MGAT4C: variants seen among roughly 807,000 people sequenced by gnomAD.
MGAT4C encodes the protein MGAT4 family member C.
A neutral mutation model predicts 40.1 loss-of-function variants in MGAT4C; 19 were observed. The observed-to-expected ratio is 0.47, with a 90% CI of 0.33 to 0.70. The LOEUF is 0.70. Ranked by LOEUF, MGAT4C falls within the 30% of genes least tolerant of loss-of-function variation. MGAT4C has a pLI of 0.02. For synonymous variants in MGAT4C, 181 were observed against 187.1 expected (o/e 0.97, Z 0.27); for missense variants, 491 against 563.2 (o/e 0.87, Z 1.30).
intron 2 of MGAT4C, among the ~76,000 whole-genome samples, chr12:86,725,888 C>CA (rs144485593): frequency 0.021 from 3,124 of 152,264 alleles, 100 homozygotes; most frequent in African/African-American, 0.071. Context: ...ACAACCTTTC[C>CA]AAATGTGGAA....
chr12:86,020,751 T>G (rs1279090034), intron 2 of MGAT4C, among the ~76,000 whole-genome samples: 25 of 152,076 alleles, frequency 1.6e-4, no homozygotes, highest in Admixed American at 1.6e-3. Flanking sequence ...CTAATTAAAC[T>G]AAAGAGCTTC....
chr12:85,974,283 A>G lies in MGAT4C; in HGVS notation c.*5006T>C, dbSNP rs1362287536. The G allele has an allele frequency of 1.3e-5, 2 of 150,856 alleles. No individual in the cohort carries two copies. The highest frequency in any genetic ancestry group is 2.1e-4 in the South Asian group (1 of 4,832). The allele number at this position is 150,856 out of a possible 1,614,324, so 9.3% of individuals were successfully genotyped here. On this transcript the variant is annotated 3_prime_UTR_variant, in exon 5 of 5. Coordinates refer to ENST00000611864, the MANE Select transcript of MGAT4C (RefSeq NM_001351288.2). The stretch of plus-strand genomic sequence containing the variant: ...AAGATTTGAGTGAGAACATGAAAGC[A>G]AAAGCAAGTTCAGAAGAGGAACACA...
intron 3 of MGAT4C, among the ~76,000 whole-genome samples, chr12:86,352,927 T>G (rs1303297894): frequency 6.6e-6 from 1 of 151,314 alleles, no homozygotes; most frequent in African/African-American, 2.4e-5. Flanking sequence ...AAATGACGAG[T>G]TAATGGGTGC....
At chr12:86,808,458 TG>T (rs1160913328) in intron 1 of MGAT4C, among the ~76,000 whole-genome samples, 1 of 152,122 alleles carries the variant, frequency 6.6e-6, no homozygotes, top group African/African-American at 2.4e-5. Flanking sequence ...ATCCCCAGGA[TG>T]CAAGGCTGGT....
intron 2 of MGAT4C, among the ~76,000 whole-genome samples, chr12:86,631,284 G>T (rs1963030670): frequency 6.6e-6 from 1 of 152,156 alleles, no homozygotes; most frequent in Non-Finnish European, 1.5e-5. Flanking sequence ...AACATTCCAT[G>T]CTCATGGATA....
chr12:86,754,036 T>C (rs1267567878), intron 1 of MGAT4C, among the ~76,000 whole-genome samples: 7 of 152,180 alleles, frequency 4.6e-5, no homozygotes, highest in Non-Finnish European at 1.0e-4. Flanking sequence ...GAGACTTGTA[T>C]GTAAGCATTC....
intron 1 of MGAT4C, among the ~76,000 whole-genome samples, chr12:86,766,595 C>A (rs1246007393): frequency 1.3e-5 from 2 of 149,070 alleles, no homozygotes; most frequent in African/African-American, 4.9e-5. Context: ...ACACCTATTC[C>A]ACAATTGACC....
intron 3 of MGAT4C, among the ~76,000 whole-genome samples, chr12:86,428,641 T>G (rs1956976624): frequency 6.6e-6 from 1 of 152,262 alleles, no homozygotes; most frequent in South Asian, 2.1e-4. Context: ...TTACTTATTA[T>G]ATTCCCTTGT....
intron 2 of MGAT4C, among the ~76,000 whole-genome samples, chr12:86,515,063 TG>T (rs1261172941): frequency 6.6e-6 from 1 of 152,130 alleles, no homozygotes; most frequent in East Asian, 1.9e-4. Context: ...TGAAATGAAA[TG>T]AAGCATATTC....
chr12:86,528,871 C>CA (rs1190377008), intron 2 of MGAT4C, among the ~76,000 whole-genome samples: 8 of 151,454 alleles, frequency 5.3e-5, no homozygotes, highest in African/African-American at 1.9e-4. Flanking sequence ...CAAAGTGATG[C>CA]AAAAAACATT....
intron 2 of MGAT4C, among the ~76,000 whole-genome samples, chr12:86,550,264 G>A (rs1428735564): frequency 6.6e-6 from 1 of 152,090 alleles, no homozygotes; most frequent in Non-Finnish European, 1.5e-5. Flanking sequence ...CCTGTCTCAG[G>A]TATTCTTTAC....
chr12:86,667,555 T>C (rs1964145094), intron 2 of MGAT4C, among the ~76,000 whole-genome samples: 1 of 152,220 alleles, frequency 6.6e-6, no homozygotes, highest in African/African-American at 2.4e-5. Context: ...TCTCTGTTAC[T>C]ATTAAACATA....
chr12:86,321,887 GA>G (rs1954398602), intron 4 of MGAT4C, among the ~76,000 whole-genome samples: 1 of 152,124 alleles, frequency 6.6e-6, no homozygotes, highest in African/African-American at 2.4e-5. Context: ...ATACCCAAAG[GA>G]TTACAAATCA....
intron 3 of MGAT4C, among the ~76,000 whole-genome samples, chr12:86,364,226 G>T (rs1364500531): frequency 2.0e-5 from 3 of 151,906 alleles, no homozygotes; most frequent in Non-Finnish European, 4.4e-5. Flanking sequence ...GGCCATCACT[G>T]CTTGAATACC....
At chr12:86,223,019 C>T (rs1950941602) in intron 1 of MGAT4C, among the ~76,000 whole-genome samples, 1 of 152,164 alleles carries the variant, frequency 6.6e-6, no homozygotes, top group Admixed American at 6.5e-5. Flanking sequence ...AGAGAGTGCA[C>T]AGAGGCATTG....
At chr12:86,313,732 T>C (rs1592684404) in intron 4 of MGAT4C, among the ~76,000 whole-genome samples, 2 of 152,184 alleles carry the variant, frequency 1.3e-5, no homozygotes, top group African/African-American at 4.8e-5. Flanking sequence ...ATAAAATAAC[T>C]AAGGTCTAAT....
chr12:86,033,264 A>G (rs1020287055), intron 2 of MGAT4C, among the ~76,000 whole-genome samples: 1 of 149,464 alleles, frequency 6.7e-6, no homozygotes, highest in African/African-American at 2.4e-5. Flanking sequence ...TTTATTTCAT[A>G]TGACTTTTCA....
At chr12:85,980,754 C>T (rs527468467) in intron 4 of MGAT4C, among the ~76,000 whole-genome samples, 4 of 151,816 alleles carry the variant, frequency 2.6e-5, no homozygotes, top group East Asian at 1.9e-4. Flanking sequence ...TTCTCATATA[C>T]GCCCATTAGA....
rs536213077 is a variant in MGAT4C, at chr12:86,344,455, G to T, written c.-119-10328C>A. ...AGCATTCCTGGGCCAAAAGAAACAT[G>T]AACTGACTTCTGAAAAATAACACTT... On this transcript the variant is annotated intron_variant, in intron 3 of 7. Coordinates refer to the MGAT4C transcript ENST00000548651. Among the ~76,000 whole-genome samples, 4 of 152,074 alleles carry T rather than the reference G, an allele frequency of 2.6e-5. No homozygotes were observed. In the South Asian group the frequency reaches 8.3e-4, roughly 32 times the overall value.
Sources: gnomAD v4.1 joint callset for allele counts (sites outside exome capture counted in the v4.1 genomes callset) on GRCh38, gnomAD v4.1.1 for gene constraint, MANE v1.5 for transcripts, NCBI Gene and HGNC (gene_info 2026-07-23, HGNC 2026-07-21) for gene names.